The following ARGFX variants were observed in gnomAD, a reference collection of about 807,000 sequenced individuals.
ARGFX encodes arginine-fifty homeobox.
A neutral mutation model predicts 8.0 loss-of-function variants in ARGFX; 10 were observed. The ratio of observed to expected loss-of-function variants is 1.25; its 90% CI spans 0.77 to 2.12. ARGFX has a LOEUF of 2.12. ARGFX is among the 30% of genes most tolerant of loss of function. The probability of loss-of-function intolerance (pLI) is 0.00; values close to 1 mark genes in which losing one functional copy is unlikely to be tolerated. For missense variants in ARGFX, 282 were observed against 324.3 expected, an observed-to-expected ratio of 0.87 and a Z score of 1.00; for synonymous variants, 116 against 117.8, an observed-to-expected ratio of 0.98 and a Z score of 0.10.
intron 4 of ARGFX, among the ~76,000 whole-genome samples, 197 bp downstream of exon 4, chr3:121,585,262 T>C (rs2048804183): frequency 6.6e-6 from 1 of 151,906 alleles, no homozygotes; most frequent in Non-Finnish European, 1.5e-5. Flanking sequence ...AAAAATGAGG[T>C]TCAGAGGCAA....
intron 3 of ARGFX, among the ~76,000 whole-genome samples, 185 bp downstream of exon 3, chr3:121,577,085 G>C (rs959193943): frequency 6.6e-5 from 10 of 150,722 alleles, no homozygotes; most frequent in Admixed American, 3.3e-4. Context: ...TCTCCTCTCT[G>C]AGGTTGTCAT....
intron 3 of ARGFX, among the ~76,000 whole-genome samples, chr3:121,583,500 AGT>A (rs2048792456): frequency 6.6e-6 from 1 of 151,682 alleles, no homozygotes; most frequent in African/African-American, 2.4e-5. Flanking sequence ...ATGATTGTGC[AGT>A]GACACAATTA....
intron 2 of ARGFX, among the ~76,000 whole-genome samples, chr3:121,575,545 G>A (rs1009606893): frequency 6.6e-6 from 1 of 152,094 alleles, no homozygotes; most frequent in African/African-American, 2.4e-5. Flanking sequence ...GCATGAGAGC[G>A]AGCACAGAAG....
At chr3:121,579,086 T>C (rs1253305433) in intron 3 of ARGFX, among the ~76,000 whole-genome samples, 1 of 152,188 alleles carries the variant, frequency 6.6e-6, no homozygotes, top group African/African-American at 2.4e-5. Flanking sequence ...CTTGAGCTAA[T>C]TGAATAAGAA....
chr3:121,584,320 G>A (rs977807934), intron 3 of ARGFX, among the ~76,000 whole-genome samples: 6 of 152,084 alleles, frequency 3.9e-5, no homozygotes, highest in Non-Finnish European at 7.4e-5. Context: ...CTATTTGCCA[G>A]ATGAGATGGA....
At chr3:121,579,929 TC>T (rs1340391098) in intron 3 of ARGFX, among the ~76,000 whole-genome samples, 1 of 97,114 alleles carries the variant, frequency 1.0e-5, no homozygotes, top group African/African-American at 3.9e-5. Flanking sequence ...TCTTTCTTTT[TC>T]TTTTCTTTTC....
At chr3:121,571,273 T>C (rs1041598205) in intron 2 of ARGFX, among the ~76,000 whole-genome samples, 1 of 152,172 alleles carries the variant, frequency 6.6e-6, no homozygotes, top group African/African-American at 2.4e-5. Flanking sequence ...TGTTATTTGA[T>C]ATTTTATCCT....
intron 2 of ARGFX, among the ~76,000 whole-genome samples, chr3:121,574,546 A>G (rs1286410378): frequency 6.6e-6 from 1 of 152,248 alleles, no homozygotes; most frequent in Non-Finnish European, 1.5e-5. Context: ...GCAGTGCACA[A>G]TAGGATTCAT....
At position 121,587,495 on chromosome 3, in the gene ARGFX, C is replaced by G. The variant is rs1291990637; in HGVS notation, c.*895C>G. ...GCACCATCGCACCCGGCTGGGTTAT[C>G]TAGTTTAAAAACACTTTTTTTCAAG... On this transcript the variant is annotated 3_prime_UTR_variant, in exon 5 of 5. Transcript: ENST00000334384. Among the ~76,000 whole-genome samples, 1 of 152,102 alleles carries G rather than the reference C, an allele frequency of 6.6e-6. No individual in the cohort carries two copies. The highest frequency in any genetic ancestry group is 2.4e-5 in the African/African-American group (1 of 41,416).
At chr3:121,569,648 G>A (rs1438657850) in intron 1 of ARGFX, among the ~76,000 whole-genome samples, 2 of 152,158 alleles carry the variant, frequency 1.3e-5, no homozygotes, top group African/African-American at 4.8e-5. Context: ...TTACAGGCGT[G>A]AGCCACCATG....
chr3:121,571,201 C>T lies in ARGFX; in HGVS notation c.103+385C>T, dbSNP rs76617032. Reference sequence around the variant, plus strand: ...TCATTATTCAGAGTAGTATTGTATACATGTATAAGAAGATTCATTTATATA... The same window carrying T: ...TCATTATTCAGAGTAGTATTGTATATATGTATAAGAAGATTCATTTATATA... On this transcript the variant is annotated intron_variant, in intron 2 of 4. Coordinates refer to ENST00000334384, the MANE Select transcript of ARGFX (RefSeq NM_001012659.2). Among the ~76,000 whole-genome samples the T allele has an allele frequency of 6.0e-3, 918 of 152,194 alleles. 27 individuals carry two copies. The East Asian group carries it at 0.089, about 15-fold the overall frequency.
rs534419022 is a variant in ARGFX, at chr3:121,578,820, G to A, written c.220+1920G>A. On this transcript the variant is annotated intron_variant, in intron 3 of 4. Transcript: ENST00000334384. ...TGAGTAGCTGGGACTGCAGGCACCC[G>A]CCACCACACCCAGCTATTTTTTTTT... 1.8e-3 allele frequency among the ~76,000 whole-genome samples: 260 copies of A among 148,480 alleles called. 1 individual carries two copies. The highest frequency in any genetic ancestry group is 6.0e-3 in the African/African-American group (241 of 40,350).
At position 121,587,964 on chromosome 3, in the gene ARGFX, AAT is replaced by A. The variant is rs3044706; in HGVS notation, c.*1378_*1379del. ...TTTTAATATAGTACAATGAAAAAATAATATATATATATATAGTACAATGGTCC... is the reference window on the plus strand; with the variant it reads ...TTTTAATATAGTACAATGAAAAAATAATATATATATATAGTACAATGGTCC... On this transcript the variant is annotated 3_prime_UTR_variant, in exon 5 of 5. Coordinates refer to ENST00000334384, the MANE Select transcript of ARGFX (RefSeq NM_001012659.2). Among the ~76,000 whole-genome samples, 66,540 of 150,462 alleles carry A rather than the reference AAT, an allele frequency of 0.44. 15,045 individuals carry two copies. Among genetic ancestry groups the A allele is most frequent in the East Asian group, 0.7 (3,623 of 5,142 alleles).
Position 121,586,604 on chromosome 3 carries a change from G to C in ARGFX, c.*4G>C. ...GGTAGACTTGGGATTTCTCTGACCA[G>C]AGTACTAATAAATATAGATCATTTA... On this transcript the variant is annotated 3_prime_UTR_variant, in exon 5 of 5. Coordinates refer to ENST00000334384, the MANE Select transcript of ARGFX (RefSeq NM_001012659.2). The C allele has an allele frequency of 6.2e-7, 1 of 1,606,704 alleles. No individual in the cohort carries two copies. Among genetic ancestry groups the C allele is most frequent in the Non-Finnish European group, 8.5e-7 (1 of 1,175,988 alleles).
At chr3:121,582,589 G>C (rs961325950) in intron 3 of ARGFX, among the ~76,000 whole-genome samples, 2 of 152,114 alleles carry the variant, frequency 1.3e-5, no homozygotes, top group African/African-American at 4.8e-5. Context: ...TTCGTAAGTG[G>C]CATTGCCTAT....
intron 2 of ARGFX, among the ~76,000 whole-genome samples, chr3:121,576,526 A>G (rs1049849627): frequency 6.6e-6 from 1 of 151,506 alleles, no homozygotes; most frequent in African/African-American, 2.4e-5. Flanking sequence ...TTTAGTAGAG[A>G]CAGGATTTCA....
chr3:121,584,592 A>G (rs1014419377), intron 3 of ARGFX, among the ~76,000 whole-genome samples: 1 of 152,184 alleles, frequency 6.6e-6, no homozygotes, highest in African/African-American at 2.4e-5. Context: ...TAAAACAGAA[A>G]ACTTTTCAGT....
chr3:121,580,643 C>T lies in ARGFX; in HGVS notation c.220+3743C>T, dbSNP rs146296450. Among the ~76,000 whole-genome samples the T allele has an allele frequency of 4.5e-3, 550 of 123,330 alleles. 10 individuals carry two copies. Among genetic ancestry groups the T allele is most frequent in the East Asian group, 0.011 (43 of 3,766 alleles). The allele number at this position is 123,330 out of a possible 152,430, so 80.9% of individuals were successfully genotyped here. ...TTTTTGAGATGAAGTCTCACTTTTT[C>T]GCCCAGGTTGGAGTGCAGTGGTGCG... On this transcript the variant is annotated intron_variant, in intron 3 of 4. Transcript: ENST00000334384.
At chr3:121,585,494 A>G (rs2048806420) in intron 4 of ARGFX, among the ~76,000 whole-genome samples, 1 of 152,098 alleles carries the variant, frequency 6.6e-6, no homozygotes, top group Admixed American at 6.6e-5. Context: ...GCTAAAGCCC[A>G]TGACGTTTTT....
Sources: allele counts gnomAD v4.1 joint callset (sites outside exome capture counted in the v4.1 genomes callset), GRCh38; gene constraint gnomAD v4.1.1; transcripts MANE v1.5; gene names NCBI Gene and HGNC (gene_info 2026-07-23, HGNC 2026-07-21).